The following TNS3 variants were observed in gnomAD, a reference collection of about 807,000 sequenced individuals.
TNS3 encodes tensin-3.
Under a neutral mutation model 140.9 loss-of-function variants are expected in TNS3, and 45 were observed. The ratio of observed to expected loss-of-function variants is 0.32; its 90% CI spans 0.25 to 0.41. The LOEUF is 0.41. Among genes scored for constraint, TNS3 ranks in the 10% least tolerant of loss-of-function variants. The pLI is 1.00. For synonymous variants in TNS3, 815 were observed against 788.4 expected, an observed-to-expected ratio of 1.03 and a Z score of -0.56; for missense variants, 1,716 against 1,906.7, an observed-to-expected ratio of 0.90 and a Z score of 1.86.
At chr7:47,480,212 C>T (rs1480755639) in intron 4 of TNS3, among the ~76,000 whole-genome samples, 1 of 152,186 alleles carries the variant, frequency 6.6e-6, no homozygotes, top group Admixed American at 6.5e-5. Flanking sequence ...CTGTGTATGG[C>T]GAAGCTAGGG....
At chr7:47,483,233 G>A (rs1027837378) in intron 3 of TNS3, among the ~76,000 whole-genome samples, 3 of 150,552 alleles carry the variant, frequency 2.0e-5, no homozygotes, top group African/African-American at 4.9e-5. Flanking sequence ...GCAGTGGCAC[G>A]ATCTTGGCTC....
intron 20 of TNS3, among the ~76,000 whole-genome samples, chr7:47,318,398 C>T (rs962991262): frequency 4.6e-5 from 7 of 152,154 alleles, no homozygotes; most frequent in Admixed American, 3.3e-4. Context: ...CTCTCTTGTT[C>T]CTTTAGCCAG....
intron 3 of TNS3, among the ~76,000 whole-genome samples, chr7:47,506,430 C>T (rs1007105677): frequency 3.9e-5 from 6 of 152,108 alleles, no homozygotes. Context: ...ACTCACAAAC[C>T]TCAGTGAACA....
intron 28 of TNS3, among the ~76,000 whole-genome samples, chr7:47,282,563 G>A (rs900355316): frequency 6.6e-6 from 1 of 152,314 alleles, no homozygotes. Flanking sequence ...CCACAACCCT[G>A]ACCCTGTCCC....
At chr7:47,471,322 C>T (rs955668348) in intron 4 of TNS3, among the ~76,000 whole-genome samples, 2 of 152,116 alleles carry the variant, frequency 1.3e-5, no homozygotes, top group Admixed American at 1.3e-4. Context: ...AAACAGAGGC[C>T]GGGGCCAAGG....
intron 20 of TNS3, among the ~76,000 whole-genome samples, chr7:47,340,481 T>A (rs538080037): frequency 6.6e-6 from 1 of 152,252 alleles, no homozygotes; most frequent in South Asian, 2.1e-4. Flanking sequence ...GAAATAGAAC[T>A]AGTTTTTGTG....
chr7:47,561,132 C>T (rs1800312069), intron 1 of TNS3, among the ~76,000 whole-genome samples: 1 of 152,236 alleles, frequency 6.6e-6, no homozygotes, highest in South Asian at 2.1e-4. Flanking sequence ...GACAGATGCT[C>T]ATGCCTCTGT....
rs146225246 is a variant in TNS3 at position 47,441,724 on chromosome 7, CT to C, written c.-23+278del. ...GGCTCTTGCCAGCACACCCTGGAGT[CT>C]CCCCCAAAAGTGACACTTGCACAAT... On this transcript the variant is annotated intron_variant, in intron 5 of 30. Transcript: ENST00000311160. 5.5e-3 allele frequency among the ~76,000 whole-genome samples: 841 copies of C among 152,320 alleles called. 7 individuals carry two copies. The highest frequency in any genetic ancestry group is 0.019 in the African/African-American group (793 of 41,570).
chr7:47,354,780 T>C (rs1222625563), intron 17 of TNS3, among the ~76,000 whole-genome samples: 1 of 152,088 alleles, frequency 6.6e-6, no homozygotes, highest in African/African-American at 2.4e-5. Context: ...GGACAGGCAG[T>C]GGCTTTTTCT....
intron 2 of TNS3, among the ~76,000 whole-genome samples, chr7:47,514,579 C>T (rs1471359290): frequency 6.6e-6 from 1 of 152,142 alleles, no homozygotes; most frequent in Non-Finnish European, 1.5e-5. Flanking sequence ...CTTCTTTTCT[C>T]CTTTCTCCTT....
intron 3 of TNS3, among the ~76,000 whole-genome samples, chr7:47,498,569 A>G (rs1798099187): frequency 6.6e-6 from 1 of 152,258 alleles, no homozygotes; most frequent in Non-Finnish European, 1.5e-5. Context: ...CACAGGATAC[A>G]TTTTAAAATT....
intron 4 of TNS3, among the ~76,000 whole-genome samples, chr7:47,451,616 G>C (rs148202447): frequency 1.4e-4 from 22 of 152,190 alleles, no homozygotes; most frequent in African/African-American, 5.3e-4. Context: ...CAAAAGCCAC[G>C]GATAAATCCA....
chr7:47,333,220 T>C (rs1452294182), intron 20 of TNS3, among the ~76,000 whole-genome samples: 1 of 152,220 alleles, frequency 6.6e-6, no homozygotes, highest in African/African-American at 2.4e-5. Flanking sequence ...AACCCAGCAC[T>C]GATGTTTACT....
chr7:47,575,488 A>G (rs1030420566), intron 1 of TNS3, among the ~76,000 whole-genome samples: 28 of 152,314 alleles, frequency 1.8e-4, no homozygotes, highest in African/African-American at 6.0e-4. Context: ...CAAGAAAACT[A>G]TTTTGTAGAA....
At chr7:47,382,836 A>G (rs1462597512) in intron 16 of TNS3, among the ~76,000 whole-genome samples, 1 of 152,180 alleles carries the variant, frequency 6.6e-6, no homozygotes, top group Non-Finnish European at 1.5e-5. Flanking sequence ...AAATCTGCAT[A>G]TAAGTGGACT....
At chr7:47,331,743 A>G (rs1788354053) in intron 20 of TNS3, among the ~76,000 whole-genome samples, 1 of 152,274 alleles carries the variant, frequency 6.6e-6, no homozygotes, top group Admixed American at 6.5e-5. Context: ...GTGCTCAGAA[A>G]GTGGCAAATG....
chr7:47,461,164 C>T (rs1796474995), intron 4 of TNS3, among the ~76,000 whole-genome samples: 1 of 152,190 alleles, frequency 6.6e-6, no homozygotes, highest in African/African-American at 2.4e-5. Context: ...GTGAGCCCCG[C>T]ATTAAGTGTT....
chr7:47,503,928 T>A (rs1798318023), intron 3 of TNS3, among the ~76,000 whole-genome samples: 1 of 151,990 alleles, frequency 6.6e-6, no homozygotes, highest in South Asian at 2.1e-4. Flanking sequence ...AAGGCACTAA[T>A]CTCATTTATA....
At chr7:47,351,427 CCTT>C (rs1306450215) in intron 17 of TNS3, among the ~76,000 whole-genome samples, 2 of 151,954 alleles carry the variant, frequency 1.3e-5, no homozygotes, top group African/African-American at 2.4e-5. Context: ...TCTCTCTCTC[CCTT>C]CTTTAATTAT....
Sources: allele counts gnomAD v4.1 joint callset (sites outside exome capture counted in the v4.1 genomes callset), GRCh38; gene constraint gnomAD v4.1.1; transcripts MANE v1.5; gene names NCBI Gene and HGNC (gene_info 2026-07-23, HGNC 2026-07-21).